The following NELL1 variants were observed in gnomAD, a reference collection of about 807,000 sequenced individuals.
NELL1 encodes the protein neural EGFL like 1.
In NELL1, 76 loss-of-function variants were observed where a neutral mutation model predicts 107.4. The observed-to-expected ratio is 0.71, with a 90% CI of 0.59 to 0.86. The LOEUF (loss-of-function observed/expected upper bound fraction) is 0.86, where lower values mean the gene tolerates loss of function less well. Ranked by LOEUF, NELL1 falls within the 40% of genes least tolerant of loss-of-function variation. The probability of loss-of-function intolerance (pLI) is 0.00; values close to 1 mark genes in which losing one functional copy is unlikely to be tolerated. For missense variants in NELL1, 1,024 were observed against 1,005.5 expected (o/e 1.02, Z -0.25); for synonymous variants, 353 against 341.2 (o/e 1.03, Z -0.38).
chr11:20,874,131 G>A (rs932847433), intron 4 of NELL1, among the ~76,000 whole-genome samples: 2 of 152,072 alleles, frequency 1.3e-5, no homozygotes, highest in Admixed American at 6.5e-5. Flanking sequence ...GCAATGGCAC[G>A]ATCACGGCTC....
At chr11:21,325,812 G>A (rs1423388555) in intron 14 of NELL1, among the ~76,000 whole-genome samples, 1 of 151,918 alleles carries the variant, frequency 6.6e-6, no homozygotes, top group Non-Finnish European at 1.5e-5. Context: ...TCAGCCACAG[G>A]CAACAACTGA....
chr11:20,901,463 G>A (rs1003750424), intron 5 of NELL1, among the ~76,000 whole-genome samples: 4 of 152,034 alleles, frequency 2.6e-5, no homozygotes, highest in African/African-American at 4.8e-5. Flanking sequence ...GGAGAAGTAC[G>A]CTATGTTCTT....
At position 20,958,693 on chromosome 11, in the gene NELL1, C is replaced by T. The variant is rs535522830; in HGVS notation, c.1172-1739C>T. Among the ~76,000 whole-genome samples the T allele has an allele frequency of 3.1e-4, 47 of 152,210 alleles. 1 individual carries two copies. Among genetic ancestry groups the T allele is most frequent in the Admixed American group, 1.6e-3 (25 of 15,292 alleles). On this transcript the variant is annotated intron_variant, in intron 11 of 19. Transcript: ENST00000357134. ...CTATCAAAAGATACTGAAGGAACTT[C>T]TAAAGGCTATATTAGGAAGAAAAAT...
intron 14 of NELL1, among the ~76,000 whole-genome samples, chr11:21,346,232 G>A (rs991786863): frequency 1.3e-5 from 2 of 151,966 alleles, no homozygotes; most frequent in African/African-American, 4.8e-5. Context: ...TTGTTCTCAG[G>A]CAGGTTCTAA....
intron 13 of NELL1, among the ~76,000 whole-genome samples, chr11:21,127,185 AAC>A (rs1193128860): frequency 3.3e-5 from 5 of 152,202 alleles, no homozygotes; most frequent in Non-Finnish European, 7.3e-5. Flanking sequence ...GGGAATTCGC[AAC>A]ACACAGAGAG....
intron 4 of NELL1, among the ~76,000 whole-genome samples, chr11:20,880,426 A>G (rs892014744): frequency 2.0e-5 from 3 of 152,254 alleles, no homozygotes; most frequent in Non-Finnish European, 4.4e-5. Context: ...TACAGTTAAC[A>G]GTAATATCCT....
At chr11:21,298,185 C>T (rs1462319767) in intron 14 of NELL1, among the ~76,000 whole-genome samples, 1 of 151,882 alleles carries the variant, frequency 6.6e-6, no homozygotes, top group Non-Finnish European at 1.5e-5. Context: ...GGTTAATTAA[C>T]CTGATTCAAA....
At position 21,146,813 on chromosome 11, in the gene NELL1, T is replaced by TGG. The variant is rs5790166; in HGVS notation, c.1426+33105_1426+33106dup. Among the ~76,000 whole-genome samples, 550 of 151,658 alleles carry TGG rather than the reference T, an allele frequency of 3.6e-3. 6 individuals are homozygous for TGG. Among genetic ancestry groups the TGG allele is most frequent in the Non-Finnish European group, 4.3e-3 (295 of 67,896 alleles). On this transcript the variant is annotated intron_variant, in intron 13 of 19. Transcript: ENST00000357134. ...ATCCCAGCACTTTTGCAGGCCAAGG[T>TGG]GGGGGGGATCATCTGAGGTCAGGAG...
chr11:21,488,625 C>T (rs1357765916), intron 15 of NELL1, among the ~76,000 whole-genome samples: 4 of 151,920 alleles, frequency 2.6e-5, no homozygotes, highest in Admixed American at 2.6e-4. Context: ...GAAATCAATA[C>T]CAAGAGGAAC....
intron 13 of NELL1, among the ~76,000 whole-genome samples, chr11:21,155,996 C>T (rs1417832044): frequency 2.0e-5 from 3 of 152,054 alleles, no homozygotes; most frequent in South Asian, 4.1e-4. Flanking sequence ...ACTTTTTCAC[C>T]CTAGGAGTCA....
At chr11:21,328,494 A>T (rs187908762) in intron 14 of NELL1, among the ~76,000 whole-genome samples, 175 of 152,270 alleles carry the variant, frequency 1.1e-3, no homozygotes, top group Middle Eastern at 6.8e-3. Flanking sequence ...CTCCTATGGC[A>T]GTGTGGAAGA....
intron 3 of NELL1, among the ~76,000 whole-genome samples, chr11:20,835,102 C>T (rs1848510522): frequency 6.6e-6 from 1 of 152,124 alleles, no homozygotes; most frequent in African/African-American, 2.4e-5. Context: ...TTACATTTTC[C>T]CCACTCCTGA....
intron 12 of NELL1, among the ~76,000 whole-genome samples, chr11:21,032,387 T>C (rs1852983562): frequency 6.6e-6 from 1 of 152,134 alleles, no homozygotes; most frequent in South Asian, 2.1e-4. Flanking sequence ...TTTTTGTTGT[T>C]GTTTTTGTTG....
At chr11:20,832,907 C>A (rs1858043485) in intron 3 of NELL1, among the ~76,000 whole-genome samples, 1 of 152,300 alleles carries the variant, frequency 6.6e-6, no homozygotes, top group African/African-American at 2.4e-5. Context: ...GCACCAGGAA[C>A]AAAGGAGGGT....
chr11:21,103,084 C>T (rs1854861867), intron 12 of NELL1, among the ~76,000 whole-genome samples: 1 of 152,176 alleles, frequency 6.6e-6, no homozygotes, highest in African/African-American at 2.4e-5. Flanking sequence ...ATTCATCATA[C>T]AGGTGGTAGA....
At chr11:21,458,051 T>G (rs1348846690) in intron 15 of NELL1, among the ~76,000 whole-genome samples, 1 of 152,082 alleles carries the variant, frequency 6.6e-6, no homozygotes, top group African/African-American at 2.4e-5. Context: ...GACTAATCAC[T>G]CTCCAGGAAA....
rs141402654 is a variant in NELL1, at chr11:21,148,413, G to A, written c.1426+34699G>A. ...TATTTCAGTCAGAAGAATGGGAATA[G>A]CAGGGTTTTATCAGGAAAAGCATGT... On this transcript the variant is annotated intron_variant, in intron 13 of 19. Coordinates refer to ENST00000357134, the MANE Select transcript of NELL1 (RefSeq NM_006157.5). 5.7e-3 allele frequency among the ~76,000 whole-genome samples: 871 copies of A among 152,284 alleles called. 4 individuals are homozygous for A. Among genetic ancestry groups the A allele is most frequent in the African/African-American group, 0.019 (773 of 41,552 alleles).
At chr11:20,762,987 A>G (rs1238457053) in intron 2 of NELL1, among the ~76,000 whole-genome samples, 2 of 152,138 alleles carry the variant, frequency 1.3e-5, no homozygotes, top group African/African-American at 4.8e-5. Flanking sequence ...AAACACTTTA[A>G]AAAAAGATAC....
intron 14 of NELL1, among the ~76,000 whole-genome samples, chr11:21,261,981 G>A (rs10500900): frequency 0.089 from 13,500 of 151,650 alleles, 794 homozygotes; most frequent in Non-Finnish European, 0.14. Context: ...ATATCTTCTC[G>A]TTAGGTTAGT....
Sources: allele counts gnomAD v4.1 joint callset (sites outside exome capture counted in the v4.1 genomes callset), GRCh38; gene constraint gnomAD v4.1.1; transcripts MANE v1.5; gene names NCBI Gene and HGNC (gene_info 2026-07-23, HGNC 2026-07-21).